Variants in GRHL2 observed in about 807,000 individuals in gnomAD.
GRHL2 encodes grainyhead-like protein 2 homolog.
GRHL2 carries 21 observed loss-of-function variants against 83.8 expected under a neutral mutation model. The observed-to-expected ratio is 0.25, with a 90% confidence interval of 0.18 to 0.36. The LOEUF is 0.36. GRHL2 is among the 10% of genes least tolerant of loss of function. The probability of loss-of-function intolerance (pLI) is 1.00; values close to 1 mark genes in which losing one functional copy is unlikely to be tolerated. For missense variants in GRHL2, 623 were observed against 781.8 expected (o/e 0.80, Z 2.42); for synonymous variants, 280 against 278.9 (o/e 1.00, Z -0.04).
intron 7 of GRHL2, among the ~76,000 whole-genome samples, chr8:101,584,406 T>C (rs1812121389): frequency 6.6e-6 from 1 of 152,180 alleles, no homozygotes; most frequent in South Asian, 2.1e-4. Context: ...TCTTCACGTT[T>C]GATTCTCCAT....
chr8:101,592,612 T>C (rs759910425), intron 7 of GRHL2, among the ~76,000 whole-genome samples: 57 of 152,340 alleles, frequency 3.7e-4, no homozygotes, highest in Middle Eastern at 3.4e-3. Context: ...AATCGGAATC[T>C]CTGAGAGTGG....
At chr8:101,657,411 TGATGA>T (rs771713725) in intron 14 of GRHL2, among the ~76,000 whole-genome samples, 40 of 152,194 alleles carry the variant, frequency 2.6e-4, no homozygotes, top group Non-Finnish European at 5.0e-4. Flanking sequence ...AATAACATAT[TGATGA>T]GATATCTCCA....
intron 14 of GRHL2, among the ~76,000 whole-genome samples, chr8:101,651,175 C>T (rs981843873): frequency 4.4e-4 from 67 of 152,330 alleles, no homozygotes; most frequent in African/African-American, 1.6e-3. Flanking sequence ...GCTGGAAAAG[C>T]TCATAAAATA....
intron 12 of GRHL2, among the ~76,000 whole-genome samples, chr8:101,642,884 A>G (rs1486352947): frequency 6.6e-6 from 1 of 152,204 alleles, no homozygotes; most frequent in Admixed American, 6.5e-5. Flanking sequence ...TTTGTCATCA[A>G]TGAAATGGGA....
chr8:101,573,593 T>C, intron 5 of GRHL2, 75 bp from the exon 6 acceptor site: 3 of 1,546,338 alleles, frequency 1.9e-6, no homozygotes, highest in South Asian at 2.2e-5. Context: ...TGTGAAATGC[T>C]ATGATGTGAA....
At chr8:101,559,689 C>G (rs1216506262) in intron 4 of GRHL2, among the ~76,000 whole-genome samples, 1 of 152,202 alleles carries the variant, frequency 6.6e-6, no homozygotes, top group East Asian at 1.9e-4. Context: ...GCTCATAGGA[C>G]TAACTTTGCT....
chr8:101,551,425 C>G (rs1272723872), intron 2 of GRHL2, among the ~76,000 whole-genome samples: 2 of 152,090 alleles, frequency 1.3e-5, no homozygotes, highest in African/African-American at 2.4e-5. Context: ...GACTCTTGGT[C>G]ACTCTGCTCT....
At chr8:101,677,278 A>T in the GRHL2 span, among the ~76,000 whole-genome samples, 3 of 151,996 alleles carry the variant, frequency 2.0e-5, no homozygotes, top group Non-Finnish European at 4.4e-5. Flanking sequence ...CCCTGGCAGC[A>T]AACACCCCTC....
chr8:101,587,940 G>A (rs1320416717), intron 7 of GRHL2, among the ~76,000 whole-genome samples: 5 of 152,116 alleles, frequency 3.3e-5, no homozygotes, highest in Non-Finnish European at 5.9e-5. Flanking sequence ...TTTCTTCCTT[G>A]TTTACAAAAC....
rs1273766081 is a variant in GRHL2, at chr8:101,669,259, T to TTTTTTTG, written c.*2562_*2563insGTTTTTT. The TTTTTTTG allele has an allele frequency of 1.2e-4, 11 of 88,786 alleles. No homozygotes were observed. The highest frequency in any genetic ancestry group is 4.5e-4 in the African/African-American group (9 of 19,952). 5.5% of individuals were successfully genotyped at this position (88,786 alleles called of 1,614,324 possible). A position where few individuals can be genotyped will look rare whatever the true frequency, so the allele number is the denominator to read the frequency against. On this transcript the variant is annotated 3_prime_UTR_variant, in exon 16 of 16. Coordinates refer to ENST00000646743, the MANE Select transcript of GRHL2 (RefSeq NM_024915.4). ...TGTGAAATGAGCATTTTTTTCTTTT[T>TTTTTTTG]TTTTTTTAACAAAGTCTGAACTGAA... is the stretch of plus-strand genomic sequence containing the variant.
intron 8 of GRHL2, among the ~76,000 whole-genome samples, chr8:101,601,516 T>C (rs1286901752): frequency 6.6e-6 from 1 of 152,190 alleles, no homozygotes; most frequent in African/African-American, 2.4e-5. Flanking sequence ...TTTCCTTGTC[T>C]AAATGTGTGT....
Position 101,492,580 on chromosome 8 carries a change from C to T in GRHL2, c.-190C>T. On this transcript the variant is annotated 5_prime_UTR_variant, in exon 1 of 16. Coordinates refer to ENST00000646743, the MANE Select transcript of GRHL2 (RefSeq NM_024915.4). ...GGGGCCCCCCCTTATCCCACCTTTC[C>T]GGCTAGGTGAGGGCGCGAGCGGGCG... 2.9e-6 allele frequency: 2 copies of T among 688,894 alleles called. No homozygotes were observed. The highest frequency in any genetic ancestry group is 2.7e-6 in the Non-Finnish European group (1 of 372,880). The allele number at this position is 688,894 out of a possible 1,614,324, so 42.7% of individuals were successfully genotyped here.
At chr8:101,556,882 C>T (rs976594326) in intron 3 of GRHL2, among the ~76,000 whole-genome samples, 1 of 152,090 alleles carries the variant, frequency 6.6e-6, no homozygotes, top group Non-Finnish European at 1.5e-5. Context: ...GTTTGTCCTC[C>T]TCCTGCTTTT....
chr8:101,620,618 A>T (rs1812946351), intron 9 of GRHL2, among the ~76,000 whole-genome samples: 2 of 152,226 alleles, frequency 1.3e-5, no homozygotes, highest in African/African-American at 4.8e-5. Context: ...ATCCTCACAA[A>T]TCCCAAATAT....
chr8:101,566,148 A>T (rs1341522513), intron 4 of GRHL2, among the ~76,000 whole-genome samples: 1 of 152,192 alleles, frequency 6.6e-6, no homozygotes, highest in Non-Finnish European at 1.5e-5. Flanking sequence ...TGTTTATCTT[A>T]AACATATGAT....
At chr8:101,505,194 C>T (rs1266108909) in intron 1 of GRHL2, among the ~76,000 whole-genome samples, 1 of 152,112 alleles carries the variant, frequency 6.6e-6, no homozygotes, top group Non-Finnish European at 1.5e-5. Context: ...TCCCCTCCCC[C>T]ATCCTTTTCT....
At chr8:101,621,215 A>T (rs1812958506) in intron 9 of GRHL2, among the ~76,000 whole-genome samples, 1 of 152,208 alleles carries the variant, frequency 6.6e-6, no homozygotes, top group Non-Finnish European at 1.5e-5. Flanking sequence ...AGAGATTAAG[A>T]TCAGACTGAC....
At chr8:101,652,375 TGTGTGTGTGGTGTGTGTGTGTGTCTG>T (rs1813656554) in intron 14 of GRHL2, among the ~76,000 whole-genome samples, 4 of 4,424 alleles carry the variant, frequency 9.0e-4, no homozygotes, top group African/African-American at 1.9e-3. Context: ...GTGTGTCTGA[TGTGTGTGTGGTGTGTGTGTGTGTCTG>T]GTGTGTGTGT....
At chr8:101,561,868 G>T in intron 4 of GRHL2, 1 of 413,148 alleles carries the variant, frequency 2.4e-6, no homozygotes, top group Non-Finnish European at 4.5e-6. Context: ...TTTTGTAGAT[G>T]GCAATGTAGG....
Sources: gnomAD v4.1 joint callset for allele counts (sites outside exome capture counted in the v4.1 genomes callset) on GRCh38, gnomAD v4.1.1 for gene constraint, MANE v1.5 for transcripts, NCBI Gene and HGNC (gene_info 2026-07-23, HGNC 2026-07-21) for gene names.